The following ATP9B variants were observed in gnomAD, a reference collection of about 807,000 sequenced individuals.
ATP9B encodes the protein ATPase phospholipid transporting 9B.
In ATP9B, 110 loss-of-function variants were observed where a neutral mutation model predicts 146.1. That is an observed-to-expected ratio of 0.75 (90% CI 0.65 to 0.88). The LOEUF is 0.88. ATP9B is among the 40% of genes least tolerant of loss of function. The pLI, the probability that ATP9B is intolerant of heterozygous loss-of-function variation, is 0.00. For missense variants in ATP9B, 1,499 were observed against 1,496.4 expected (o/e 1.00, Z -0.03); for synonymous variants, 604 against 569.7 (o/e 1.06, Z -0.86).
intron 1 of ATP9B, among the ~76,000 whole-genome samples, chr18:79,072,305 G>A (rs1314338024): frequency 6.6e-6 from 1 of 151,992 alleles, no homozygotes; most frequent in Non-Finnish European, 1.5e-5. Flanking sequence ...GCGGCCTTCC[G>A]CAGTGTTTGT....
intron 12 of ATP9B, among the ~76,000 whole-genome samples, chr18:79,271,994 G>C (rs536280862): frequency 9.2e-5 from 14 of 152,316 alleles, no homozygotes; most frequent in African/African-American, 3.4e-4. Flanking sequence ...GACCAGTGAT[G>C]ATGAGCATTT....
Position 79,307,079 on chromosome 18 carries a change from C to T in ATP9B, c.1618C>T (p.Arg540Ter), listed in dbSNP as rs372536187. 19 of 1,614,042 alleles carry T rather than the reference C, an allele frequency of 1.2e-5. No individual in the cohort carries two copies. Among genetic ancestry groups the T allele is most frequent in the African/African-American group, 2.7e-5 (2 of 74,912 alleles). Residue 540 changes from arginine to a stop codon, truncating the protein, a stop_gained, in exon 15 of 30, where the codon CGA becomes TGA. Coordinates refer to ENST00000426216, the MANE Select transcript of ATP9B (RefSeq NM_198531.5). LOFTEE classifies it high-confidence loss of function. ...CAAAGTTAGGAAAAGTGTCAGTAGTCGAATCCATGAAGCCGTGAAAGCCAT... is the reference window on the plus strand; with the variant it reads ...CAAAGTTAGGAAAAGTGTCAGTAGTTGAATCCATGAAGCCGTGAAAGCCAT... ...APKVRKSVSS[R>*]IHEAVKAIVL... is the part of the protein sequence containing the mutation.
At chr18:79,220,623 A>T (rs1490873210) in intron 11 of ATP9B, among the ~76,000 whole-genome samples, 6 of 152,018 alleles carry the variant, frequency 3.9e-5, no homozygotes, top group Admixed American at 1.3e-4. Context: ...TAGATTAATT[A>T]AAAAAAATAC....
In ATP9B at chr18:79,367,369, G is replaced by C. The variant is rs12955817; in HGVS notation, c.3013-5456G>C. Among the ~76,000 whole-genome samples the C allele has an allele frequency of 3.5e-3, 187 of 53,604 alleles. 1 individual carries two copies. Among genetic ancestry groups the C allele is most frequent in the Middle Eastern group, 7.9e-3 (1 of 126 alleles). 35.2% of individuals were successfully genotyped at this position (53,604 alleles called of 152,430 possible). On this transcript the variant is annotated intron_variant, in intron 26 of 29. Coordinates refer to ENST00000426216, the MANE Select transcript of ATP9B (RefSeq NM_198531.5). ...CCAGAGAGCACACATATCTTCACCT[G>C]CACTGTGTGTACGCAGAGAAAGTGC... is the stretch of plus-strand genomic sequence containing the variant.
intron 8 of ATP9B, among the ~76,000 whole-genome samples, chr18:79,185,023 G>A (rs953637339): frequency 9.2e-5 from 14 of 151,928 alleles, no homozygotes; most frequent in Admixed American, 7.2e-4. Flanking sequence ...CAAGGATGTC[G>A]GTACATGTTT....
chr18:79,211,918 G>A (rs1272454884), intron 10 of ATP9B, among the ~76,000 whole-genome samples: 3 of 152,166 alleles, frequency 2.0e-5, no homozygotes, highest in Admixed American at 6.5e-5. Flanking sequence ...TTCTGTTTAA[G>A]TATTTCATTG....
At chr18:79,369,374 T>C (rs2097055229) in intron 26 of ATP9B, among the ~76,000 whole-genome samples, 1 of 151,488 alleles carries the variant, frequency 6.6e-6, no homozygotes, top group Non-Finnish European at 1.5e-5. Flanking sequence ...TCTACTAAAA[T>C]ACAAAAAAAT....
chr18:79,082,352 C>T (rs1432986383), intron 1 of ATP9B, among the ~76,000 whole-genome samples: 1 of 152,138 alleles, frequency 6.6e-6, no homozygotes, highest in East Asian at 1.9e-4. Flanking sequence ...TTAGAACATG[C>T]TTCTTTAGCT....
chr18:79,276,673 T>C (rs554834271), intron 12 of ATP9B, among the ~76,000 whole-genome samples: 112 of 152,350 alleles, frequency 7.4e-4, no homozygotes, highest in Non-Finnish European at 1.1e-3. Context: ...TGTTACAGAC[T>C]GTCTTGAAGG....
At chr18:79,233,120 C>G (rs1041400742) in intron 11 of ATP9B, among the ~76,000 whole-genome samples, 1 of 151,862 alleles carries the variant, frequency 6.6e-6, no homozygotes, top group Non-Finnish European at 1.5e-5. Flanking sequence ...GGTGAAACCC[C>G]ATCTCTACTA....
chr18:79,106,304 G>A (rs1015950608), intron 2 of ATP9B, among the ~76,000 whole-genome samples: 2 of 152,126 alleles, frequency 1.3e-5, no homozygotes, highest in African/African-American at 2.4e-5. Context: ...TGCAATATTT[G>A]CCAGTATGCT....
At chr18:79,081,181 T>C (rs1320493573) in intron 1 of ATP9B, among the ~76,000 whole-genome samples, 1 of 152,174 alleles carries the variant, frequency 6.6e-6, no homozygotes, top group Non-Finnish European at 1.5e-5. Context: ...TTGGAATAGT[T>C]TCAGAAGGAA....
At chr18:79,105,742 GGCATTTCCATAAGAGGGGA>G (rs2075611738) in intron 2 of ATP9B, among the ~76,000 whole-genome samples, 2 of 152,274 alleles carry the variant, frequency 1.3e-5, no homozygotes, top group African/African-American at 4.8e-5. Context: ...GCCAGTGAAT[GGCATTTCCATAAGAGGGGA>G]GGGGAGGTAT....
At chr18:79,071,398 C>CTTTTTTTTTTTT (rs747150962) in intron 1 of ATP9B, among the ~76,000 whole-genome samples, 31 of 22,408 alleles carry the variant, frequency 1.4e-3, no homozygotes, top group Admixed American at 5.8e-3. Context: ...TATTGTTCTT[C>CTTTTTTTTTTTT]CTTTTTTTTT....
chr18:79,375,531 T>C, intron 29 of ATP9B, 105 bp downstream of exon 29: 2 of 1,525,478 alleles, frequency 1.3e-6, no homozygotes, highest in South Asian at 2.4e-5. Context: ...TAATTCAGTG[T>C]TCCTCAGGAA....
At chr18:79,296,979 TGAC>T (rs1249712005) in intron 13 of ATP9B, among the ~76,000 whole-genome samples, 4 of 94,970 alleles carry the variant, frequency 4.2e-5, no homozygotes, top group African/African-American at 1.7e-4. Flanking sequence ...GACAGAGAGA[TGAC>T]CCAGAGAGAA....
At chr18:79,210,649 C>T (rs1200197149) in intron 10 of ATP9B, among the ~76,000 whole-genome samples, 1 of 152,200 alleles carries the variant, frequency 6.6e-6, no homozygotes, top group African/African-American at 2.4e-5. Context: ...GTGCAGTGCT[C>T]AGTGTCTGCC....
At chr18:79,168,003 TCA>T (rs1309790650) in intron 7 of ATP9B, among the ~76,000 whole-genome samples, 1 of 152,196 alleles carries the variant, frequency 6.6e-6, no homozygotes, top group East Asian at 1.9e-4. Flanking sequence ...GCCAGGCATG[TCA>T]GCACTGCCCT....
chr18:79,253,667 G>C, intron 12 of ATP9B, 126 bp downstream of exon 12: 1 of 951,542 alleles, frequency 1.1e-6, no homozygotes, highest in Non-Finnish European at 1.5e-6. Flanking sequence ...CAGAAGTTCT[G>C]AGGAATCTTG....
Sources: allele counts gnomAD v4.1 joint callset (sites outside exome capture counted in the v4.1 genomes callset), GRCh38; gene constraint gnomAD v4.1.1; transcripts MANE v1.5; gene names NCBI Gene and HGNC (gene_info 2026-07-23, HGNC 2026-07-21).